The following PGM5 variants were observed in gnomAD, a reference collection of about 807,000 sequenced individuals.
The protein encoded by PGM5 is phosphoglucomutase 5.
A neutral mutation model predicts 59.2 loss-of-function variants in PGM5; 23 were observed. That is an observed-to-expected ratio of 0.39 (90% confidence interval 0.28 to 0.55). The LOEUF (loss-of-function observed/expected upper bound fraction) is 0.55. PGM5 is among the 20% of genes least tolerant of loss of function. The probability of loss-of-function intolerance (pLI) is 0.66; values close to 1 mark genes in which losing one functional copy is unlikely to be tolerated. For synonymous variants in PGM5, 214 were observed against 286.0 expected (o/e 0.75, Z 2.54); for missense variants, 574 against 748.3 (o/e 0.77, Z 2.72).
At position 68,451,240 on chromosome 9, in the gene PGM5, A is replaced by G. The variant is rs371910454; in HGVS notation, c.1044-13853A>G. Among the ~76,000 whole-genome samples, 51 of 152,354 alleles carry G rather than the reference A, an allele frequency of 3.3e-4. 1 individual carries two copies. In the South Asian group the frequency reaches 7.9e-3, roughly 23 times the overall value. The stretch of plus-strand genomic sequence containing the variant: ...AAGCTCCAAAATGAAGACATCCGCA[A>G]TGCCAACACGATTAACTGCGTAATT... On this transcript the variant is annotated intron_variant, in intron 6 of 10. Transcript: ENST00000396396.
intron 10 of PGM5, among the ~76,000 whole-genome samples, chr9:68,509,586 C>A (rs7864227): frequency 0.73 from 110,319 of 152,100 alleles, 40,581 homozygotes; most frequent in East Asian, 0.99. Context: ...AGGAGGGGAC[C>A]CAACACGCCA....
chr9:68,472,673 ATT>A (rs1268836516), intron 7 of PGM5, among the ~76,000 whole-genome samples: 2 of 152,202 alleles, frequency 1.3e-5, no homozygotes, highest in East Asian at 1.9e-4. Context: ...TTCAGTGAAC[ATT>A]TACTGCACAC....
At chr9:68,381,000 A>G (rs1393141953) in intron 2 of PGM5, among the ~76,000 whole-genome samples, 2 of 152,042 alleles carry the variant, frequency 1.3e-5, no homozygotes, top group South Asian at 2.1e-4. Context: ...ATTTTATCAA[A>G]CATTCAAAGA....
intron 7 of PGM5, among the ~76,000 whole-genome samples, chr9:68,478,068 T>G (rs1195582771): frequency 6.6e-6 from 1 of 152,240 alleles, no homozygotes; most frequent in Non-Finnish European, 1.5e-5. Context: ...GCCCTAATTC[T>G]AAAGCCTTCC....
At chr9:68,458,366 G>A (rs1019367568) in intron 6 of PGM5, among the ~76,000 whole-genome samples, 1 of 152,170 alleles carries the variant, frequency 6.6e-6, no homozygotes, top group Non-Finnish European at 1.5e-5. Context: ...TAGGTAAAGC[G>A]GCAAAGGCCC....
At chr9:68,471,258 A>G (rs1214802756) in intron 7 of PGM5, among the ~76,000 whole-genome samples, 3 of 152,180 alleles carry the variant, frequency 2.0e-5, no homozygotes, top group Admixed American at 1.3e-4. Flanking sequence ...AGACTTCCAA[A>G]CAGACTAAGG....
Position 68,514,317 on chromosome 9 carries a change from T to G in PGM5, c.1614+14956T>G, listed in dbSNP as rs1824793267. Among the ~76,000 whole-genome samples, 3 of 151,986 alleles carry G rather than the reference T, an allele frequency of 2.0e-5. No homozygotes were observed. The South Asian group carries it at 6.2e-4, about 32-fold the overall frequency. On this transcript the variant is annotated intron_variant, in intron 10 of 10. Transcript: ENST00000396396. Reference sequence around the variant, plus strand: ...GGCCCTATCTCTAAAAAAAGAAAACTGATGCTGGCTGTACTGGCTTAAACC... The same window carrying G: ...GGCCCTATCTCTAAAAAAAGAAAACGGATGCTGGCTGTACTGGCTTAAACC...
At position 68,411,394 on chromosome 9, in the gene PGM5, TAC is replaced by T. The variant is rs1202914609; in HGVS notation, c.1043+18929_1043+18930del. Among the ~76,000 whole-genome samples, 4 of 147,796 alleles carry T rather than the reference TAC, an allele frequency of 2.7e-5. No homozygotes were observed. The East Asian group carries it at 8.9e-4, about 33-fold the overall frequency. On this transcript the variant is annotated intron_variant, in intron 6 of 10. Coordinates refer to ENST00000396396, the MANE Select transcript of PGM5 (RefSeq NM_021965.4). ...TAAAAAGTATATATAAATATATATA[TAC>T]ACACACATATATACACACATACATG... is the stretch of plus-strand genomic sequence containing the variant.
In PGM5 at chr9:68,395,163, G is replaced by A. The variant is rs74600829; in HGVS notation, c.1043+2690G>A. On this transcript the variant is annotated intron_variant, in intron 6 of 10. Transcript: ENST00000396396. ...TGATTTTGAATTAATTTTTGAGCAC[G>A]GTATAAGGTAGGGGTCGAGGTTCAC... Among the ~76,000 whole-genome samples the A allele has an allele frequency of 5.9e-4, 90 of 152,022 alleles. No homozygotes were observed. In the East Asian group the frequency reaches 0.015, roughly 26 times the overall value.
At chr9:68,415,820 C>CTATCTATCT (rs1823019080) in intron 6 of PGM5, among the ~76,000 whole-genome samples, 4 of 125,094 alleles carry the variant, frequency 3.2e-5, no homozygotes, top group African/African-American at 5.7e-5. Context: ...TCTATCTTAT[C>CTATCTATCT]TATCTATCAT....
intron 1 of PGM5, among the ~76,000 whole-genome samples, chr9:68,358,434 T>C (rs1277201910): frequency 6.6e-6 from 1 of 152,152 alleles, no homozygotes; most frequent in African/African-American, 2.4e-5. Context: ...ACAAGAGGGA[T>C]ACCTAATTTC....
In PGM5 at chr9:68,527,273, T is replaced by C. The variant is rs114170709; in HGVS notation, c.1615-2294T>C. Among the ~76,000 whole-genome samples the C allele has an allele frequency of 8.3e-4, 126 of 152,320 alleles. 1 individual carries two copies. Among genetic ancestry groups the C allele is most frequent in the African/African-American group, 2.8e-3 (118 of 41,572 alleles). ...GTTTTAATCCTTTAGTTCCGTAAGG[T>C]TCAAATTCATTTTCATTGCATTTTC... On this transcript the variant is annotated intron_variant, in intron 10 of 10. Transcript: ENST00000396396.
intron 10 of PGM5, among the ~76,000 whole-genome samples, chr9:68,503,863 A>T (rs1173617591): frequency 6.6e-6 from 1 of 152,220 alleles, no homozygotes; most frequent in Non-Finnish European, 1.5e-5. Flanking sequence ...AGTTTTTAAA[A>T]AATTTCCCAG....
rs1337413456 is a variant in PGM5 at position 68,391,763 on chromosome 9, A to C, written c.888+39A>C. 3 of 1,599,088 alleles carry C rather than the reference A, an allele frequency of 1.9e-6. No individual in the cohort carries two copies. The Admixed American group carries it at 5.0e-5, about 27-fold the overall frequency. ...CTGTCTGTCTGCTGACCCTTTGATC[A>C]TATAATGAGCCATGCACTGGAAAGC... On this transcript the variant is annotated intron_variant, in intron 5 of 10. Coordinates refer to ENST00000396396, the MANE Select transcript of PGM5 (RefSeq NM_021965.4).
chr9:68,456,281 A>ATTTTTTCTTT (rs1400555091), intron 6 of PGM5, among the ~76,000 whole-genome samples: 2 of 136,848 alleles, frequency 1.5e-5, no homozygotes, highest in African/African-American at 5.5e-5. Context: ...TTGGTATTAG[A>ATTTTTTCTTT]TTTTTTCTTT....
chr9:68,454,642 T>C (rs1343917938), intron 6 of PGM5, among the ~76,000 whole-genome samples: 1 of 152,112 alleles, frequency 6.6e-6, no homozygotes, highest in Non-Finnish European at 1.5e-5. Context: ...TTCCATTTTG[T>C]AGGTAAAAGA....
chr9:68,481,284 C>A (rs1824192697), intron 8 of PGM5, among the ~76,000 whole-genome samples: 1 of 152,132 alleles, frequency 6.6e-6, no homozygotes, highest in African/African-American at 2.4e-5. Context: ...ACATCATATT[C>A]TTAGTTCCCA....
At position 68,378,322 on chromosome 9, in the gene PGM5, G is replaced by C. The variant is rs782658485; in HGVS notation, c.385G>C (p.Gly129Arg). ...AGCCAGCCACTGCCCTGGAGGACCA[G>C]GGGGAGAGTTTGGAGTGAAGTTTAA... is the stretch of plus-strand genomic sequence containing the variant. ...LTASHCPGGP[G>R]GEFGVKFNVA... Residue 129 changes from glycine to arginine, a missense_variant, in exon 2 of 11, where the codon GGG becomes CGG. This residue lies in a region of PGM5 where 61 missense variants were observed against 133.3 expected (regional missense o/e 0.46). Coordinates refer to ENST00000396396, the MANE Select transcript of PGM5 (RefSeq NM_021965.4). 2 of 1,592,052 alleles carry C rather than the reference G, an allele frequency of 1.3e-6. No individual in the cohort carries two copies. Among genetic ancestry groups the C allele is most frequent in the Non-Finnish European group, 1.7e-6 (2 of 1,171,688 alleles).
In PGM5 at chr9:68,409,954, T is replaced by C. The variant is rs572104382; in HGVS notation, c.1043+17481T>C. 9.9e-5 allele frequency among the ~76,000 whole-genome samples: 15 copies of C among 151,868 alleles called. 1 individual carries two copies. In the East Asian group the frequency reaches 2.5e-3, roughly 25 times the overall value. ...CATCTGACTTCGCCATTGATTCTCA[T>C]CACTTCTCAGGGCCTCGCTTTCCCC... is the stretch of plus-strand genomic sequence containing the variant. On this transcript the variant is annotated intron_variant, in intron 6 of 10. Coordinates refer to ENST00000396396, the MANE Select transcript of PGM5 (RefSeq NM_021965.4).
Sources: allele counts gnomAD v4.1 joint callset (sites outside exome capture counted in the v4.1 genomes callset), GRCh38; gene constraint gnomAD v4.1.1; regional missense constraint gnomAD v4.1.1; transcripts MANE v1.5; gene names NCBI Gene and HGNC (gene_info 2026-07-23, HGNC 2026-07-21).